GRIA1: variants seen among roughly 807,000 people sequenced by gnomAD.
GRIA1 encodes glutamate ionotropic receptor AMPA type subunit 1, also known as glutamate receptor 1.
A neutral mutation model predicts 99.2 loss-of-function variants in GRIA1; 31 were observed. The ratio of observed to expected loss-of-function variants is 0.31; its 90% CI spans 0.23 to 0.42. The LOEUF (loss-of-function observed/expected upper bound fraction) is 0.42, where lower values mean the gene tolerates loss of function less well. Ranked by LOEUF, GRIA1 falls within the 10% of genes least tolerant of loss-of-function variation. The pLI is 1.00. For synonymous variants in GRIA1, 438 were observed against 432.4 expected, an observed-to-expected ratio of 1.01 and a Z score of -0.16; for missense variants, 782 against 1,157.5, an observed-to-expected ratio of 0.68 and a Z score of 4.71.
chr5:153,526,785 G>A (rs1047742617), intron 2 of GRIA1, among the ~76,000 whole-genome samples: 2 of 152,218 alleles, frequency 1.3e-5, no homozygotes, highest in Admixed American at 1.3e-4. Context: ...GGGCAGCAAA[G>A]CAAAAAGATC....
chr5:153,632,393 T>C (rs932978416), intron 2 of GRIA1, among the ~76,000 whole-genome samples: 3 of 152,180 alleles, frequency 2.0e-5, no homozygotes, highest in African/African-American at 7.2e-5. Flanking sequence ...TTGAAAGGCA[T>C]AGGTGATCTG....
chr5:153,776,467 G>C (rs1038518369), intron 13 of GRIA1, among the ~76,000 whole-genome samples: 1 of 152,110 alleles, frequency 6.6e-6, no homozygotes, highest in Non-Finnish European at 1.5e-5. Context: ...ATGCCTACCT[G>C]GTTAAGAAAG....
chr5:153,793,557 T>C (rs1765448329), intron 13 of GRIA1, among the ~76,000 whole-genome samples: 1 of 152,190 alleles, frequency 6.6e-6, no homozygotes, highest in Admixed American at 6.5e-5. Flanking sequence ...AAGGATGAGG[T>C]GGCAAACTCA....
chr5:153,687,118 C>T (rs1757398127), intron 8 of GRIA1, among the ~76,000 whole-genome samples: 1 of 152,202 alleles, frequency 6.6e-6, no homozygotes, highest in Non-Finnish European at 1.5e-5. Flanking sequence ...ACGAAGCCTT[C>T]TCTGGCCTTT....
intron 11 of GRIA1, among the ~76,000 whole-genome samples, chr5:153,735,631 G>GGGTGGTCTCCTCCCTTAATATT (rs1761331578): frequency 6.6e-6 from 1 of 152,098 alleles, no homozygotes; most frequent in Non-Finnish European, 1.5e-5. Context: ...ACAATATGAG[G>GGGTGGTCTCCTCCCTTAATATT]GGTGGTCTCC....
chr5:153,635,085 C>G (rs1178018227), intron 2 of GRIA1, among the ~76,000 whole-genome samples: 2 of 152,214 alleles, frequency 1.3e-5, no homozygotes, highest in African/African-American at 4.8e-5. Context: ...AGATGCTGAT[C>G]AAGTTCATGG....
chr5:153,708,446 A>G (rs12655494), intron 11 of GRIA1, among the ~76,000 whole-genome samples: 59,630 of 151,996 alleles, frequency 0.39, 11,853 homozygotes, highest in Admixed American at 0.45. Context: ...GAGGAGACTG[A>G]ACAACATATC....
chr5:153,605,971 G>C (rs1419619604), intron 2 of GRIA1, among the ~76,000 whole-genome samples: 2 of 152,058 alleles, frequency 1.3e-5, no homozygotes, highest in Non-Finnish European at 2.9e-5. Context: ...CAATTTATCA[G>C]TTTCTTCCTT....
intron 2 of GRIA1, among the ~76,000 whole-genome samples, chr5:153,576,388 G>C (rs1762531888): frequency 6.6e-6 from 1 of 152,218 alleles, no homozygotes; most frequent in South Asian, 2.1e-4. Context: ...TGAGAAGGTA[G>C]TGAAGTGGAG....
At chr5:153,556,232 A>G (rs1581224365) in intron 2 of GRIA1, among the ~76,000 whole-genome samples, 1 of 152,238 alleles carries the variant, frequency 6.6e-6, no homozygotes, top group Non-Finnish European at 1.5e-5. Flanking sequence ...ATCTTTGCAC[A>G]GTGTGGGGGC....
chr5:153,636,208 G>A (rs1753347531), intron 2 of GRIA1, among the ~76,000 whole-genome samples: 1 of 152,108 alleles, frequency 6.6e-6, no homozygotes, highest in Admixed American at 6.5e-5. Context: ...ATCTGTTCAT[G>A]GGTTTAAAGG....
At chr5:153,667,140 G>A (rs1755806461) in intron 5 of GRIA1, among the ~76,000 whole-genome samples, 11 of 152,210 alleles carry the variant, frequency 7.2e-5, no homozygotes, top group Admixed American at 7.2e-4. Context: ...TACAGTACAA[G>A]TTCTTTGATT....
intron 2 of GRIA1, among the ~76,000 whole-genome samples, chr5:153,495,315 C>CA (rs760475343): frequency 8.5e-5 from 13 of 152,068 alleles, no homozygotes; most frequent in Non-Finnish European, 1.9e-4. Flanking sequence ...TTAATCCTCA[C>CA]AGGAGCTTTG....
chr5:153,576,979 TGGATGG>T (rs1762592814), intron 2 of GRIA1, among the ~76,000 whole-genome samples: 2 of 139,938 alleles, frequency 1.4e-5, no homozygotes, highest in Non-Finnish European at 3.1e-5. Context: ...GATGGATGGA[TGGATGG>T]GTGAGTGGAT....
intron 2 of GRIA1, among the ~76,000 whole-genome samples, chr5:153,512,615 A>G (rs761503437): frequency 3.3e-5 from 5 of 152,314 alleles, no homozygotes; most frequent in Non-Finnish European, 7.4e-5. Context: ...CCTCCCAATC[A>G]ACATGGCTGT....
chr5:153,726,826 A>T (rs1581547946), intron 11 of GRIA1, among the ~76,000 whole-genome samples: 2 of 152,340 alleles, frequency 1.3e-5, no homozygotes, highest in African/African-American at 4.8e-5. Context: ...AATTGGTACC[A>T]TTCCTTCTGA....
At chr5:153,501,283 G>T (rs1754988896) in intron 2 of GRIA1, among the ~76,000 whole-genome samples, 1 of 152,172 alleles carries the variant, frequency 6.6e-6, no homozygotes, top group Non-Finnish European at 1.5e-5. Context: ...TAATAAAGGA[G>T]GCTGCCATTA....
intron 11 of GRIA1, among the ~76,000 whole-genome samples, chr5:153,735,494 A>G (rs947013203): frequency 6.6e-6 from 1 of 152,154 alleles, no homozygotes; most frequent in Non-Finnish European, 1.5e-5. Context: ...CAAATAACCA[A>G]TTAGGTCAGG....
At chr5:153,741,743 G>C (rs932586220) in intron 11 of GRIA1, among the ~76,000 whole-genome samples, 2 of 152,250 alleles carry the variant, frequency 1.3e-5, no homozygotes, top group East Asian at 3.9e-4. Context: ...GGTTGCCAGG[G>C]ACTGAGGCAG....
Sources: allele counts gnomAD v4.1 joint callset (sites outside exome capture counted in the v4.1 genomes callset), GRCh38; gene constraint gnomAD v4.1.1; transcripts MANE v1.5; gene names NCBI Gene and HGNC (gene_info 2026-07-23, HGNC 2026-07-21).